The following GRIA1 variants were observed in gnomAD, a reference collection of about 807,000 sequenced individuals.
The protein encoded by GRIA1 is glutamate ionotropic receptor AMPA type subunit 1, also known as glutamate receptor 1.
GRIA1 carries 31 observed loss-of-function variants against 99.2 expected under a neutral mutation model. That is an observed-to-expected ratio of 0.31 (90% confidence interval 0.23 to 0.42). GRIA1 has a LOEUF of 0.42. Among genes scored for constraint, GRIA1 ranks in the 10% least tolerant of loss-of-function variants. The probability of loss-of-function intolerance (pLI) is 1.00; values close to 1 mark genes in which losing one functional copy is unlikely to be tolerated. For missense variants in GRIA1, 782 were observed against 1,157.5 expected (o/e 0.68, Z 4.71); for synonymous variants, 438 against 432.4 (o/e 1.01, Z -0.16).
At chr5:153,733,032 A>G (rs1581561601) in intron 11 of GRIA1, among the ~76,000 whole-genome samples, 1 of 151,328 alleles carries the variant, frequency 6.6e-6, no homozygotes, top group East Asian at 1.9e-4. Context: ...TAATACTGTA[A>G]TGGTGGTATA....
At chr5:153,502,665 G>T (rs1255295534) in intron 2 of GRIA1, among the ~76,000 whole-genome samples, 2 of 152,166 alleles carry the variant, frequency 1.3e-5, no homozygotes, top group African/African-American at 4.8e-5. Context: ...GAAAGCACAG[G>T]GGAGCCCAGG....
intron 5 of GRIA1, among the ~76,000 whole-genome samples, chr5:153,668,587 T>C (rs1212510397): frequency 2.0e-5 from 3 of 152,222 alleles, no homozygotes; most frequent in South Asian, 4.1e-4. Flanking sequence ...CAGAGCTGAC[T>C]AGTTGTGACA....
intron 2 of GRIA1, among the ~76,000 whole-genome samples, chr5:153,607,335 A>G (rs1171813880): frequency 6.6e-6 from 1 of 151,718 alleles, no homozygotes; most frequent in Non-Finnish European, 1.5e-5. Flanking sequence ...CATTTATTTC[A>G]TTAACTTCTA....
intron 15 of GRIA1, among the ~76,000 whole-genome samples, chr5:153,806,536 C>T (rs1292137728): frequency 2.0e-5 from 3 of 152,242 alleles, no homozygotes; most frequent in Admixed American, 6.5e-5. Context: ...AGTGTTGGGA[C>T]CACAGGCATG....
chr5:153,645,098 G>T (rs1310914397), intron 2 of GRIA1, among the ~76,000 whole-genome samples: 1 of 152,144 alleles, frequency 6.6e-6, no homozygotes, highest in Non-Finnish European at 1.5e-5. Context: ...TCTGGGTAGA[G>T]AAGTGATTTT....
Position 153,606,491 on chromosome 5 carries a change from T to C in GRIA1, c.221-40437T>C, listed in dbSNP as rs574251199. On this transcript the variant is annotated intron_variant, in intron 2 of 15. Transcript: ENST00000285900. ...TTTAATTACAATCAGTTTGGGAGAG[T>C]TGATATCTTTACAATATTGAGTCTT... 2.6e-4 allele frequency among the ~76,000 whole-genome samples: 39 copies of C among 152,148 alleles called. 1 individual carries two copies. In the South Asian group the frequency reaches 7.7e-3, roughly 30 times the overall value.
intron 2 of GRIA1, among the ~76,000 whole-genome samples, chr5:153,562,875 A>G (rs943247568): frequency 5.9e-5 from 9 of 152,160 alleles, no homozygotes; most frequent in African/African-American, 2.2e-4. Flanking sequence ...ATACAATTTA[A>G]TGATTTGAAA....
At chr5:153,705,638 A>G (rs1313493501) in intron 10 of GRIA1, 59 bp from the exon 11 acceptor site, 1 of 1,436,990 alleles carries the variant, frequency 7.0e-7, no homozygotes, top group East Asian at 2.5e-5. Context: ...CAAGAGAATG[A>G]AAAGGGCTGC....
At chr5:153,787,064 C>T (rs185789701) in intron 13 of GRIA1, among the ~76,000 whole-genome samples, 41 of 152,330 alleles carry the variant, frequency 2.7e-4, no homozygotes, top group African/African-American at 9.9e-4. Flanking sequence ...ACATTCTGTC[C>T]TTTGCCTTTC....
chr5:153,708,042 T>C (rs542487385), intron 11 of GRIA1, among the ~76,000 whole-genome samples: 5 of 152,280 alleles, frequency 3.3e-5, no homozygotes, highest in Non-Finnish European at 7.4e-5. Context: ...ACTTGTTTTT[T>C]CTCCTTTATT....
At chr5:153,504,993 C>G (rs1022643123) in intron 2 of GRIA1, among the ~76,000 whole-genome samples, 1 of 152,144 alleles carries the variant, frequency 6.6e-6, no homozygotes, top group Admixed American at 6.6e-5. Context: ...GTTCCATCCC[C>G]TCTAGTTTTT....
chr5:153,797,699 C>A (rs1399838412), intron 14 of GRIA1, among the ~76,000 whole-genome samples: 1 of 152,194 alleles, frequency 6.6e-6, no homozygotes, highest in Non-Finnish European at 1.5e-5. Context: ...TGTTTTGAGT[C>A]AGGATGTTCT....
At chr5:153,547,174 G>C (rs1199840700) in intron 2 of GRIA1, among the ~76,000 whole-genome samples, 2 of 149,494 alleles carry the variant, frequency 1.3e-5, no homozygotes, top group Non-Finnish European at 2.9e-5. Context: ...CTTTTTGTGT[G>C]ATTTTTTTTT....
chr5:153,808,617 G>A (rs1489151651), intron 15 of GRIA1, among the ~76,000 whole-genome samples: 1 of 152,172 alleles, frequency 6.6e-6, no homozygotes, highest in African/African-American at 2.4e-5. Flanking sequence ...GCATCTCTAG[G>A]ATAGGATTCA....
At chr5:153,762,261 C>T (rs1763234570) in intron 11 of GRIA1, among the ~76,000 whole-genome samples, 1 of 152,098 alleles carries the variant, frequency 6.6e-6, no homozygotes, top group South Asian at 2.1e-4. Context: ...TATATCAAAA[C>T]ATCACACTCC....
chr5:153,613,542 C>T (rs1428151392), intron 2 of GRIA1, among the ~76,000 whole-genome samples: 2 of 152,124 alleles, frequency 1.3e-5, no homozygotes, highest in African/African-American at 4.8e-5. Context: ...GTTTTAGCCG[C>T]TTCTTTCCTT....
intron 11 of GRIA1, among the ~76,000 whole-genome samples, chr5:153,725,025 C>A (rs1389442266): frequency 6.6e-6 from 1 of 152,172 alleles, no homozygotes; most frequent in Non-Finnish European, 1.5e-5. Flanking sequence ...CAAAGGGAAG[C>A]CCATCAGACT....
chr5:153,743,186 A>G (rs1761929384), intron 11 of GRIA1, among the ~76,000 whole-genome samples: 1 of 152,242 alleles, frequency 6.6e-6, no homozygotes, highest in Non-Finnish European at 1.5e-5. Flanking sequence ...TATTGCAGAC[A>G]TCGTCAAATG....
At chr5:153,616,887 C>A (rs1336638921) in intron 2 of GRIA1, among the ~76,000 whole-genome samples, 3 of 152,118 alleles carry the variant, frequency 2.0e-5, no homozygotes, top group African/African-American at 7.2e-5. Context: ...GTGTTTTCAT[C>A]CTTATAATTA....
Sources: gnomAD v4.1 joint callset for allele counts (sites outside exome capture counted in the v4.1 genomes callset) on GRCh38, gnomAD v4.1.1 for gene constraint, MANE v1.5 for transcripts, NCBI Gene and HGNC (gene_info 2026-07-23, HGNC 2026-07-21) for gene names.